The following GRID1 variants were observed in gnomAD, a reference collection of about 807,000 sequenced individuals.
GRID1 encodes glutamate ionotropic receptor delta type subunit 1, also known as glutamate receptor ionotropic, delta-1.
A neutral mutation model predicts 98.0 loss-of-function variants in GRID1; 28 were observed. That is an observed-to-expected ratio of 0.29 (90% CI 0.21 to 0.39). The LOEUF (loss-of-function observed/expected upper bound fraction) is 0.39. GRID1 is among the 10% of genes least tolerant of loss of function. GRID1 has a pLI of 1.00. For synonymous variants in GRID1, 553 were observed against 538.5 expected (o/e 1.03, Z -0.37); for missense variants, 1,111 against 1,340.5 (o/e 0.83, Z 2.67).
intron 12 of GRID1, among the ~76,000 whole-genome samples, chr10:85,659,935 C>A (rs944845883): frequency 6.6e-6 from 1 of 152,218 alleles, no homozygotes; most frequent in Non-Finnish European, 1.5e-5. Context: ...GCTGTTGATG[C>A]TAAGCTGTTC....
chr10:86,352,900 C>T (rs918187258), intron 2 of GRID1, among the ~76,000 whole-genome samples: 1 of 152,126 alleles, frequency 6.6e-6, no homozygotes, highest in African/African-American at 2.4e-5. Context: ...TGAGATGCTA[C>T]AGGGGACACT....
chr10:85,931,389 G>A (rs1841848854), intron 4 of GRID1, among the ~76,000 whole-genome samples: 1 of 152,056 alleles, frequency 6.6e-6, no homozygotes, highest in Admixed American at 6.5e-5. Context: ...TCTGATATTT[G>A]CCTTTTCTTT....
At chr10:86,080,437 G>A (rs1470260043) in intron 4 of GRID1, among the ~76,000 whole-genome samples, 5 of 28,710 alleles carry the variant, frequency 1.7e-4, no homozygotes, top group African/African-American at 8.7e-4. Context: ...GGGAGGGGAG[G>A]GGAGGGGAGG....
chr10:85,634,359 C>A (rs1341483784), intron 13 of GRID1, among the ~76,000 whole-genome samples: 1 of 149,942 alleles, frequency 6.7e-6, no homozygotes, highest in African/African-American at 2.5e-5. Context: ...ATCTTAATAT[C>A]CTCATGTTGT....
chr10:85,740,051 C>G (rs1841925112), intron 8 of GRID1, among the ~76,000 whole-genome samples: 1 of 152,162 alleles, frequency 6.6e-6, no homozygotes, highest in African/African-American at 2.4e-5. Flanking sequence ...CATTTTGAAA[C>G]TGCAGTGCAA....
chr10:86,002,544 C>T (rs1842813879), intron 4 of GRID1, among the ~76,000 whole-genome samples: 1 of 152,108 alleles, frequency 6.6e-6, no homozygotes, highest in Non-Finnish European at 1.5e-5. Flanking sequence ...ACCTCCTAGC[C>T]TTTTCACAAA....
intron 8 of GRID1, among the ~76,000 whole-genome samples, chr10:85,769,183 A>G (rs1051835167): frequency 2.0e-5 from 3 of 152,238 alleles, no homozygotes; most frequent in Non-Finnish European, 4.4e-5. Flanking sequence ...AGCCATAAAA[A>G]GGGAATAAAA....
At chr10:85,977,433 G>A (rs866988645) in intron 4 of GRID1, among the ~76,000 whole-genome samples, 11 of 152,144 alleles carry the variant, frequency 7.2e-5, no homozygotes, top group Non-Finnish European at 1.5e-4. Context: ...TGATGTTGTA[G>A]AAAATACCAT....
At chr10:86,281,753 C>T (rs1357838532) in intron 2 of GRID1, among the ~76,000 whole-genome samples, 1 of 152,096 alleles carries the variant, frequency 6.6e-6, no homozygotes, top group Non-Finnish European at 1.5e-5. Context: ...ATGCCCATGT[C>T]CCATCTCCAG....
At chr10:86,237,804 A>T (rs1336206483) in intron 2 of GRID1, among the ~76,000 whole-genome samples, 2 of 152,006 alleles carry the variant, frequency 1.3e-5, no homozygotes, top group Non-Finnish European at 2.9e-5. Flanking sequence ...CATGATCCTG[A>T]GGCCTACCTT....
At chr10:86,127,094 G>A (rs1230285302) in intron 4 of GRID1, among the ~76,000 whole-genome samples, 1 of 152,224 alleles carries the variant, frequency 6.6e-6, no homozygotes, top group Non-Finnish European at 1.5e-5. Context: ...TTATAGGGCA[G>A]AGAGAAGGGG....
At chr10:85,782,247 C>A (rs1039747277) in intron 8 of GRID1, among the ~76,000 whole-genome samples, 3 of 151,112 alleles carry the variant, frequency 2.0e-5, no homozygotes, top group African/African-American at 7.3e-5. Flanking sequence ...CACACACACA[C>A]GCACTTACAC....
intron 3 of GRID1, among the ~76,000 whole-genome samples, chr10:86,189,820 A>C (rs746150839): frequency 2.6e-5 from 4 of 152,154 alleles, no homozygotes; most frequent in Non-Finnish European, 4.4e-5. Context: ...CCGGGGCCAG[A>C]GGTGGGAGGA....
At chr10:85,812,423 G>T (rs1356709003) in intron 8 of GRID1, among the ~76,000 whole-genome samples, 2 of 152,118 alleles carry the variant, frequency 1.3e-5, no homozygotes. Context: ...GATGATCAGG[G>T]TGTATGTACA....
At chr10:85,935,875 C>T (rs1432123771) in intron 4 of GRID1, among the ~76,000 whole-genome samples, 1 of 152,184 alleles carries the variant, frequency 6.6e-6, no homozygotes, top group Non-Finnish European at 1.5e-5. Flanking sequence ...AACCAAGACT[C>T]TAAACTCTCT....
intron 4 of GRID1, among the ~76,000 whole-genome samples, chr10:86,110,521 G>A (rs2131951588): frequency 6.6e-6 from 1 of 152,276 alleles, no homozygotes; most frequent in South Asian, 2.1e-4. Flanking sequence ...GGGGAAAGCT[G>A]GGCATCAGGG....
intron 2 of GRID1, among the ~76,000 whole-genome samples, chr10:86,353,858 A>T (rs10788495): frequency 0.43 from 65,076 of 152,020 alleles, 14,855 homozygotes; most frequent in Admixed American, 0.53. Context: ...CATGGCAGGG[A>T]AGGAGTTAGG....
intron 8 of GRID1, among the ~76,000 whole-genome samples, chr10:85,852,808 A>G (rs1214744189): frequency 6.6e-6 from 1 of 152,006 alleles, no homozygotes; most frequent in African/African-American, 2.4e-5. Context: ...GGCATTCCTA[A>G]CAGACATCAT....
At chr10:86,002,379 G>A (rs11201867) in intron 4 of GRID1, among the ~76,000 whole-genome samples, 10,333 of 152,198 alleles carry the variant, frequency 0.068, 511 homozygotes, top group Non-Finnish European at 0.1. Context: ...TTAATTGCTT[G>A]GAAAAACAGA....
Sources: gnomAD v4.1 joint callset for allele counts (sites outside exome capture counted in the v4.1 genomes callset) on GRCh38, gnomAD v4.1.1 for gene constraint, MANE v1.5 for transcripts, NCBI Gene and HGNC (gene_info 2026-07-23, HGNC 2026-07-21) for gene names.